The following CALCOCO2 variants were observed in gnomAD, a reference collection of about 807,000 sequenced individuals.
CALCOCO2 encodes calcium binding and coiled-coil domain 2.
CALCOCO2 carries 42 observed loss-of-function variants against 62.5 expected under a neutral mutation model. The ratio of observed to expected loss-of-function variants is 0.67; its 90% CI spans 0.53 to 0.87. The LOEUF is 0.87. Ranked by LOEUF, CALCOCO2 falls within the 40% of genes least tolerant of loss-of-function variation. The probability of loss-of-function intolerance (pLI) is 0.00; values close to 1 mark genes in which losing one functional copy is unlikely to be tolerated. For missense variants in CALCOCO2, 456 were observed against 515.0 expected (o/e 0.89, Z 1.11); for synonymous variants, 167 against 173.0 (o/e 0.97, Z 0.27).
chr17:48,860,737 T>C (rs1448739985), intron 11 of CALCOCO2, among the ~76,000 whole-genome samples: 4 of 152,210 alleles, frequency 2.6e-5, no homozygotes, highest in Non-Finnish European at 4.4e-5. Context: ...ATGTAGAAGA[T>C]ATACACATAC....
At chr17:48,840,060 C>A (rs1046615054) in intron 1 of CALCOCO2, among the ~76,000 whole-genome samples, 4 of 152,170 alleles carry the variant, frequency 2.6e-5, no homozygotes, top group Non-Finnish European at 5.9e-5. Flanking sequence ...ATCCTCTCAC[C>A]TCAGCCTCCT....
At chr17:48,854,897 T>G (rs567568347) in intron 9 of CALCOCO2, among the ~76,000 whole-genome samples, 1 of 152,148 alleles carries the variant, frequency 6.6e-6, no homozygotes, top group African/African-American at 2.4e-5. Flanking sequence ...GTGGAACGCC[T>G]TAAGGCAAAG....
chr17:48,862,411 C>T (rs1277676856), intron 12 of CALCOCO2, 107 bp downstream of exon 12: 1 of 819,066 alleles, frequency 1.2e-6, no homozygotes, highest in Non-Finnish European at 2.1e-6. Context: ...TTGATAACTC[C>T]AGAAGTCAGC....
chr17:48,845,706 G>A (rs1352968824), intron 2 of CALCOCO2, among the ~76,000 whole-genome samples: 10 of 139,344 alleles, frequency 7.2e-5, no homozygotes, highest in Non-Finnish European at 1.5e-5. Context: ...TCCAGCCTGG[G>A]CAACAGAGCG....
intron 1 of CALCOCO2, among the ~76,000 whole-genome samples, chr17:48,840,919 CTT>C: frequency 6.6e-6 from 1 of 152,346 alleles, no homozygotes; most frequent in South Asian, 2.1e-4. Flanking sequence ...GTGCTAAGTA[CTT>C]TGTCATTCAA....
At chr17:48,835,142 A>G (rs919493175) in intron 1 of CALCOCO2, among the ~76,000 whole-genome samples, 6 of 152,090 alleles carry the variant, frequency 3.9e-5, no homozygotes, top group Admixed American at 3.3e-4. Flanking sequence ...TTCCCAAGCC[A>G]TTGTTGGAGC....
At position 48,854,294 on chromosome 17, in the gene CALCOCO2, C is replaced by T. The variant is rs542240628; in HGVS notation, c.912+1282C>T. ...TCGCGCCATTGCACTCCAGCTGGGG[C>T]GACAGAGCGAGACTCCGTCTCAAAA... On this transcript the variant is annotated intron_variant, in intron 9 of 12. Coordinates refer to ENST00000258947, the MANE Select transcript of CALCOCO2 (RefSeq NM_005831.5). Among the ~76,000 whole-genome samples the T allele has an allele frequency of 9.4e-3, 811 of 86,118 alleles. 19 individuals carry two copies. In the South Asian group the frequency reaches 0.13, roughly 14 times the overall value. The allele number at this position is 86,118 out of a possible 152,430, so 56.5% of individuals were successfully genotyped here. A position where few individuals can be genotyped will look rare whatever the true frequency, so the allele number is the denominator to read the frequency against.
intron 2 of CALCOCO2, chr17:48,846,079 G>A: frequency 7.0e-7 from 1 of 1,434,204 alleles, no homozygotes; most frequent in Non-Finnish European, 9.4e-7. Context: ...CCCAGACACT[G>A]GTAGTATCTG....
intron 1 of CALCOCO2, among the ~76,000 whole-genome samples, chr17:48,839,670 CTTT>C (rs766846336): frequency 6.0e-5 from 4 of 66,170 alleles, no homozygotes; most frequent in African/African-American, 2.6e-4. Context: ...CTTTGCTTTG[CTTT>C]TTTTTTTTTT....
intron 2 of CALCOCO2, chr17:48,846,541 A>C (rs2040055840): frequency 9.3e-7 from 1 of 1,074,898 alleles, no homozygotes; most frequent in Non-Finnish European, 1.4e-6. Flanking sequence ...TCCCTGTTCC[A>C]AGGCAGCAAT....
At chr17:48,832,767 G>A (rs1359206063) in intron 1 of CALCOCO2, among the ~76,000 whole-genome samples, 1 of 152,170 alleles carries the variant, frequency 6.6e-6, no homozygotes, top group East Asian at 1.9e-4. Context: ...AAAAGTGGAT[G>A]GTCTCAGTAA....
intron 2 of CALCOCO2, chr17:48,846,165 C>A: frequency 2.6e-6 from 2 of 783,738 alleles, no homozygotes; most frequent in Non-Finnish European, 2.0e-6. Flanking sequence ...GAGACAGAGT[C>A]TTGCTCTGTC....
chr17:48,858,717 C>T (rs1442598039), intron 10 of CALCOCO2, among the ~76,000 whole-genome samples: 1 of 151,908 alleles, frequency 6.6e-6, no homozygotes, highest in Non-Finnish European at 1.5e-5. Flanking sequence ...GGTGCACACA[C>T]AGTTTGCAAA....
At chr17:48,855,164 A>C (rs1189686831) in intron 9 of CALCOCO2, among the ~76,000 whole-genome samples, 1 of 152,184 alleles carries the variant, frequency 6.6e-6, no homozygotes, top group Non-Finnish European at 1.5e-5. Flanking sequence ...GGTCCCTGGA[A>C]ATACTGGCCC....
rs760661460 is a variant in CALCOCO2 at position 48,852,544 on chromosome 17, T to G, written c.741T>G (p.Leu247=). 1 of 1,613,528 alleles carries G rather than the reference T, an allele frequency of 6.2e-7. No individual in the cohort carries two copies. Among genetic ancestry groups the G allele is most frequent in the South Asian group, 1.1e-5 (1 of 91,062 alleles). Reference sequence around the variant, plus strand: ...CTCAAGAGAAAGAAATGGAGAAGCTTGTTCAGGGAGATCAAGATAAGACAG... The same window carrying G: ...CTCAAGAGAAAGAAATGGAGAAGCTGGTTCAGGGAGATCAAGATAAGACAG... ...LSTQEKEMEK[L]VQGDQDKTEQ... is the part of the protein sequence containing the mutation. The change falls in exon 8 of 13, where the codon CTT becomes CTG. Residue 247 remains leucine (L), a synonymous_variant. Transcript: ENST00000258947.
intron 7 of CALCOCO2, among the ~76,000 whole-genome samples, chr17:48,852,142 GA>G (rs58441130): frequency 0.017 from 2,120 of 121,186 alleles, 40 homozygotes; most frequent in African/African-American, 0.05. Context: ...TGTCTCAAGA[GA>G]AAAAAAAAAA....
At chr17:48,853,798 C>A (rs575383973) in intron 9 of CALCOCO2, among the ~76,000 whole-genome samples, 1 of 152,330 alleles carries the variant, frequency 6.6e-6, no homozygotes, top group East Asian at 1.9e-4. Context: ...TTTCCAACTT[C>A]CTTTGGGAAA....
intron 10 of CALCOCO2, 49 bp from the exon 11 acceptor site, chr17:48,860,265 C>T (rs766902371): frequency 5.6e-5 from 87 of 1,562,292 alleles, no homozygotes; most frequent in Non-Finnish European, 7.3e-5. Flanking sequence ...TTCCTGGTGG[C>T]CATTCTTGGT....
Position 48,856,189 on chromosome 17 carries a change from T to A in CALCOCO2, c.1008+2T>A. ...GAGAGATTGGAAGGAGAAAATGATG[T>A]AAGTGTGTGAAAGAGGGTATAAAAC... is the stretch of plus-strand genomic sequence containing the variant. On this transcript the variant is annotated splice_donor_variant, in intron 10 of 12. Coordinates refer to ENST00000258947, the MANE Select transcript of CALCOCO2 (RefSeq NM_005831.5). LOFTEE classifies it high-confidence loss of function. 1 of 1,544,602 alleles carries A rather than the reference T, an allele frequency of 6.5e-7. No individual in the cohort carries two copies. Among genetic ancestry groups the A allele is most frequent in the Non-Finnish European group, 8.9e-7 (1 of 1,118,440 alleles).
Sources: allele counts gnomAD v4.1 joint callset (sites outside exome capture counted in the v4.1 genomes callset), GRCh38; gene constraint gnomAD v4.1.1; transcripts MANE v1.5; gene names NCBI Gene and HGNC (gene_info 2026-07-23, HGNC 2026-07-21).